DAB2IP: variants seen among roughly 807,000 people sequenced by gnomAD.
The protein encoded by DAB2IP is DAB2 interacting protein, also known as disabled homolog 2-interacting protein.
In DAB2IP, 28 loss-of-function variants were observed where a neutral mutation model predicts 107.2. The observed-to-expected ratio is 0.26, with a 90% CI of 0.19 to 0.36. DAB2IP has a LOEUF of 0.36. DAB2IP is among the 10% of genes least tolerant of loss of function. The pLI, the probability that DAB2IP is intolerant of heterozygous loss-of-function variation, is 1.00. For synonymous variants in DAB2IP, 755 were observed against 706.4 expected (o/e 1.07, Z -1.09); for missense variants, 1,400 against 1,644.7 (o/e 0.85, Z 2.57).
At chr9:121,715,741 C>T (rs1032603779) in intron 3 of DAB2IP, among the ~76,000 whole-genome samples, 1 of 152,198 alleles carries the variant, frequency 6.6e-6, no homozygotes. Context: ...CACTTCTCTC[C>T]CCATGAAATG....
rs115839686 is a variant in DAB2IP, at chr9:121,612,808, G to T, written c.40+45580G>T. ...CAAGTGGGTTTCCCAGAGGAAGAAA[G>T]GCTAGAGCCAGGCCCAGGAGGACAA... is the stretch of plus-strand genomic sequence containing the variant. On this transcript the variant is annotated intron_variant, in intron 1 of 16. Coordinates refer to the DAB2IP transcript ENST00000259371. Among the ~76,000 whole-genome samples, 699 of 152,328 alleles carry T rather than the reference G, an allele frequency of 4.6e-3. 8 individuals carry two copies. The highest frequency in any genetic ancestry group is 0.016 in the African/African-American group (670 of 41,582).
rs920399099 is a variant in DAB2IP at position 121,635,501 on chromosome 9, G to A, written c.41-43177G>A. On this transcript the variant is annotated intron_variant, in intron 1 of 16. Transcript: ENST00000259371. The surrounding 1 kb of genome is among the most constrained non-coding windows in gnomAD (Gnocchi z 4.3). Reference sequence around the variant, plus strand: ...GTGGACCTACTGTGTGCTTAGCCCCGTGCAGGGCCTGGGCATGGAAACGGA... The same window carrying A: ...GTGGACCTACTGTGTGCTTAGCCCCATGCAGGGCCTGGGCATGGAAACGGA... Among the ~76,000 whole-genome samples the A allele has an allele frequency of 2.0e-5, 3 of 152,262 alleles. No homozygotes were observed. Among genetic ancestry groups the A allele is most frequent in the Non-Finnish European group, 2.9e-5 (2 of 68,014 alleles).
At chr9:121,602,715 A>G (rs1252828479) in intron 1 of DAB2IP, among the ~76,000 whole-genome samples, 2 of 151,430 alleles carry the variant, frequency 1.3e-5, no homozygotes, top group African/African-American at 4.9e-5. Flanking sequence ...AGCTGGGACT[A>G]CAGGCGCCCG....
chr9:121,756,967 G>C, intron 3 of DAB2IP, 46 bp from the exon 4 acceptor site: 1 of 1,612,266 alleles, frequency 6.2e-7, no homozygotes, highest in South Asian at 1.1e-5. Context: ...CAACCAGCTT[G>C]ACCCGGGCTG....
chr9:121,720,873 A>G (rs1299541148), intron 3 of DAB2IP, among the ~76,000 whole-genome samples: 1 of 152,098 alleles, frequency 6.6e-6, no homozygotes, highest in African/African-American at 2.4e-5. Context: ...GAGGCAGGAG[A>G]ACAAAGAGAA....
intron 1 of DAB2IP, among the ~76,000 whole-genome samples, chr9:121,591,272 C>T (rs982426098): frequency 6.6e-6 from 1 of 152,184 alleles, no homozygotes; most frequent in African/African-American, 2.4e-5. Flanking sequence ...AGTTCAATAC[C>T]AGCCTGGCCA....
rs369054346 is a variant in DAB2IP, at chr9:121,758,888, C to T, written c.517-10C>T. ...TTCCCTCATAACACTGTCTTGCCTG[C>T]TCCCCACAGGTGACGACGTCATCAG... On this transcript the variant is annotated splice_polypyrimidine_tract_variant and intron_variant, in intron 4 of 15. Transcript: ENST00000408936. The T allele has an allele frequency of 6.2e-7, 1 of 1,611,586 alleles. No individual in the cohort carries two copies. Among genetic ancestry groups the T allele is most frequent in the African/African-American group, 1.3e-5 (1 of 75,034 alleles).
chr9:121,776,312 G>T lies in DAB2IP; in HGVS notation c.3235G>T (p.Ala1079Ser). ...GCAGAAGCTGGTGCTGGAGTACCAG[G>T]CACGGCTGGAGGAGGGCGAGGAGCG... The change falls in exon 14 of 16, where the codon GCA (alanine) becomes TCA (serine). Residue 1079 changes from alanine (A) to serine (S), a missense_variant. Ala to Ser is a moderately conservative substitution (Grantham distance 99, BLOSUM62 1). This residue lies in a region of DAB2IP where 600 missense variants were observed against 659.1 expected (regional missense o/e 0.91). Coordinates refer to ENST00000408936, the Ensembl canonical transcript of DAB2IP. This position sits in a 1 kb window ranked among gnomAD's most constrained non-coding sequence, Gnocchi z 5.4. 6.4e-7 allele frequency: 1 copy of T among 1,567,878 alleles called. No homozygotes were observed. The highest frequency in any genetic ancestry group is 8.6e-7 in the Non-Finnish European group (1 of 1,156,238).
chr9:121,728,859 T>G (rs1298426735), intron 3 of DAB2IP, among the ~76,000 whole-genome samples: 1 of 152,158 alleles, frequency 6.6e-6, no homozygotes, highest in African/African-American at 2.4e-5. Flanking sequence ...TAAACACACT[T>G]CAAAGAACAC....
chr9:121,595,461 G>T (rs924715904), intron 1 of DAB2IP, among the ~76,000 whole-genome samples: 1 of 151,792 alleles, frequency 6.6e-6, no homozygotes, highest in Admixed American at 6.6e-5. Flanking sequence ...AAATTAGCCC[G>T]CCATGGTGGC....
chr9:121,760,231 G>A lies in DAB2IP; in HGVS notation c.962G>A (p.Gly321Asp), dbSNP rs770848656. 5.6e-6 allele frequency: 9 copies of A among 1,613,668 alleles called. No individual in the cohort carries two copies. The highest frequency in any genetic ancestry group is 7.6e-6 in the Non-Finnish European group (9 of 1,179,996). The change falls in exon 6 of 16, where the codon GGC (glycine) becomes GAC (aspartate). Residue 321 changes from glycine to aspartate, a missense_variant. Transcript: ENST00000408936. This position sits in a 1 kb window ranked among gnomAD's most constrained non-coding sequence, Gnocchi z 5.9. ...GTGGTGACGCCCAACCCCAAGGGCG[G>A]CAAGGGCCCTGGACCCATGATCCGC...
At chr9:121,707,310 G>GT (rs1830104658) in intron 3 of DAB2IP, among the ~76,000 whole-genome samples, 4 of 152,196 alleles carry the variant, frequency 2.6e-5, no homozygotes. Flanking sequence ...GCCTGAGAAG[G>GT]TTTTTGCCAC....
At chr9:121,712,655 G>T (rs1161258193) in intron 3 of DAB2IP, among the ~76,000 whole-genome samples, 1 of 152,180 alleles carries the variant, frequency 6.6e-6, no homozygotes, top group Non-Finnish European at 1.5e-5. Flanking sequence ...CCCAACATGT[G>T]GTTGACATTG....
At chr9:121,726,797 G>A (rs1831259718) in intron 3 of DAB2IP, among the ~76,000 whole-genome samples, 1 of 152,144 alleles carries the variant, frequency 6.6e-6, no homozygotes, top group Non-Finnish European at 1.5e-5. Flanking sequence ...GAAGGTGTCT[G>A]GGACAGGGAG....
intron 14 of DAB2IP, among the ~76,000 whole-genome samples, chr9:121,779,883 A>C (rs1588020781): frequency 6.6e-6 from 1 of 151,710 alleles, no homozygotes; most frequent in Non-Finnish European, 1.5e-5. Context: ...CAAATCCCAC[A>C]CCTCTTGACC....
chr9:121,773,257 G>C, exon 12 of DAB2IP: 1 of 1,544,484 alleles, frequency 6.5e-7, no homozygotes, highest in Non-Finnish European at 8.7e-7. Context: ...CGGCAGAACA[G>C]TGCTGGCCCC....
chr9:121,651,608 G>A lies in DAB2IP; in HGVS notation c.-168G>A. On this transcript the variant is annotated 5_prime_UTR_variant, in exon 1 of 16. Coordinates refer to ENST00000408936, the Ensembl canonical transcript of DAB2IP. The surrounding 1 kb of genome is among the most constrained non-coding windows in gnomAD (Gnocchi z 5.1). ...CCGGCTGCTCGGGGAGCGGGAGGGG[G>A]CAGGAGGCGGAGGAGGAGTTTGAGC... 9.9e-7 allele frequency: 1 copy of A among 1,009,308 alleles called. No homozygotes were observed. Among genetic ancestry groups the A allele is most frequent in the Non-Finnish European group, 1.2e-6 (1 of 837,108 alleles). The allele number at this position is 1,009,308 out of a possible 1,614,324, so 62.5% of individuals were successfully genotyped here. A position where few individuals can be genotyped will look rare whatever the true frequency, so the allele number is the denominator to read the frequency against.
At chr9:121,641,935 T>TTCTTTCTTTCTG (rs1554718106) in intron 1 of DAB2IP, among the ~76,000 whole-genome samples, 1,274 of 113,666 alleles carry the variant, frequency 0.011, 20 homozygotes, top group South Asian at 0.027. Context: ...CTTTCTTTCT[T>TTCTTTCTTTCTG]TCTCTCTTTC....
intron 1 of DAB2IP, among the ~76,000 whole-genome samples, chr9:121,606,327 G>A (rs1830869318): frequency 6.6e-6 from 1 of 152,156 alleles, no homozygotes; most frequent in Non-Finnish European, 1.5e-5. Context: ...TGGCACCACT[G>A]CACTCCAGCC....
Sources: gnomAD v4.1 joint callset for allele counts (sites outside exome capture counted in the v4.1 genomes callset) on GRCh38, gnomAD v4.1.1 for gene constraint, gnomAD v4.1.1 regional missense constraint, Gnocchi (gnomAD v3.1) non-coding constraint, MANE v1.5 for transcripts, NCBI Gene and HGNC (gene_info 2026-07-23, HGNC 2026-07-21) for gene names.